ZNF385D: variants seen among roughly 807,000 people sequenced by gnomAD.
The protein encoded by ZNF385D is zinc finger protein 659.
In ZNF385D, 15 loss-of-function variants were observed where a neutral mutation model predicts 35.8. The observed-to-expected ratio is 0.42, with a 90% CI of 0.28 to 0.64. ZNF385D has a LOEUF of 0.64. Ranked by LOEUF, ZNF385D falls within the 30% of genes least tolerant of loss-of-function variation. The pLI is 0.23. For synonymous variants in ZNF385D, 212 were observed against 186.8 expected (o/e 1.13, Z -1.10); for missense variants, 474 against 494.6 (o/e 0.96, Z 0.39).
intron 2 of ZNF385D, among the ~76,000 whole-genome samples, chr3:22,316,077 A>AC (rs1214334814): frequency 6.6e-6 from 1 of 152,028 alleles, no homozygotes; most frequent in African/African-American, 2.4e-5. Context: ...CAACTCACTG[A>AC]CCCCACCCTG....
At chr3:21,490,443 T>C (rs1180506871) in intron 4 of ZNF385D, among the ~76,000 whole-genome samples, 1 of 152,180 alleles carries the variant, frequency 6.6e-6, no homozygotes, top group Admixed American at 6.6e-5. Flanking sequence ...ACAATGTGAC[T>C]GTCACTCTAT....
intron 2 of ZNF385D, among the ~76,000 whole-genome samples, chr3:22,179,479 AT>A (rs1285803773): frequency 1.3e-5 from 2 of 152,226 alleles, no homozygotes; most frequent in Non-Finnish European, 2.9e-5. Flanking sequence ...GCTTAAGGAG[AT>A]TTTGGGCTGA....
At chr3:22,081,698 T>C (rs1367985161) in intron 3 of ZNF385D, among the ~76,000 whole-genome samples, 1 of 152,136 alleles carries the variant, frequency 6.6e-6, no homozygotes, top group African/African-American at 2.4e-5. Flanking sequence ...TACAAACCTT[T>C]CCACGGCAGC....
At chr3:22,020,698 T>C (rs1198463198) in intron 3 of ZNF385D, among the ~76,000 whole-genome samples, 1 of 152,004 alleles carries the variant, frequency 6.6e-6, no homozygotes, top group Admixed American at 6.6e-5. Context: ...TAGTATAGCC[T>C]CTATGAAAAG....
intron 3 of ZNF385D, among the ~76,000 whole-genome samples, chr3:22,074,688 C>CA (rs1700382373): frequency 6.6e-6 from 1 of 151,896 alleles, no homozygotes; most frequent in South Asian, 2.1e-4. Context: ...AATGAGGGGT[C>CA]ATTTGATAAC....
At chr3:21,995,448 G>A (rs1695403742) in intron 3 of ZNF385D, among the ~76,000 whole-genome samples, 1 of 152,026 alleles carries the variant, frequency 6.6e-6, no homozygotes, top group Non-Finnish European at 1.5e-5. Context: ...GACATGCTTG[G>A]GCACTGGCAG....
intron 3 of ZNF385D, among the ~76,000 whole-genome samples, chr3:21,827,352 G>A (rs539735670): frequency 3.4e-4 from 51 of 151,948 alleles, no homozygotes; most frequent in South Asian, 2.5e-3. Context: ...ATATACACAC[G>A]CATATATATT....
At chr3:21,909,805 G>T (rs773525015) in intron 3 of ZNF385D, among the ~76,000 whole-genome samples, 1 of 152,018 alleles carries the variant, frequency 6.6e-6, no homozygotes, top group Admixed American at 6.6e-5. Flanking sequence ...AATGGAAAAT[G>T]AGACTATGCA....
intron 2 of ZNF385D, among the ~76,000 whole-genome samples, chr3:22,284,168 A>G (rs1268159480): frequency 6.8e-6 from 1 of 146,794 alleles, no homozygotes; most frequent in Non-Finnish European, 1.5e-5. Context: ...TTATCAATAA[A>G]CACAGGATTT....
chr3:22,139,364 C>A (rs1274581628), intron 3 of ZNF385D, among the ~76,000 whole-genome samples: 2 of 152,042 alleles, frequency 1.3e-5, no homozygotes, highest in African/African-American at 2.4e-5. Context: ...TGGAACCAAC[C>A]CAAATGTCCA....
chr3:22,290,978 A>G (rs1341772939), intron 2 of ZNF385D, among the ~76,000 whole-genome samples: 1 of 152,038 alleles, frequency 6.6e-6, no homozygotes, highest in Non-Finnish European at 1.5e-5. Context: ...GACTGCTCTG[A>G]TACTTCTTCT....
chr3:22,284,471 TGA>T (rs1701925541), intron 2 of ZNF385D, among the ~76,000 whole-genome samples: 1 of 152,058 alleles, frequency 6.6e-6, no homozygotes, highest in East Asian at 1.9e-4. Context: ...ATTACAGGCA[TGA>T]GCCACTGCAC....
intron 2 of ZNF385D, among the ~76,000 whole-genome samples, chr3:22,342,366 C>T (rs913442232): frequency 6.6e-6 from 1 of 151,536 alleles, no homozygotes; most frequent in Non-Finnish European, 1.5e-5. Context: ...AACCTCAGTC[C>T]TACCTTTAGT....
chr3:21,644,228 T>C (rs191746400), intron 2 of ZNF385D, among the ~76,000 whole-genome samples: 4 of 152,278 alleles, frequency 2.6e-5, no homozygotes, highest in Admixed American at 6.5e-5. Flanking sequence ...ACATTTCTGA[T>C]ATTCAACATT....
At chr3:21,965,394 T>C (rs944246905) in intron 3 of ZNF385D, among the ~76,000 whole-genome samples, 1 of 152,140 alleles carries the variant, frequency 6.6e-6, no homozygotes, top group Non-Finnish European at 1.5e-5. Context: ...GCAAGACAGA[T>C]ACATTTCCTA....
intron 2 of ZNF385D, among the ~76,000 whole-genome samples, chr3:22,210,458 A>G (rs1697447752): frequency 6.6e-6 from 1 of 151,890 alleles, no homozygotes. Flanking sequence ...ATATTTACTG[A>G]CCATCTAAAG....
At chr3:22,226,885 T>C (rs1325528057) in intron 2 of ZNF385D, among the ~76,000 whole-genome samples, 1 of 152,170 alleles carries the variant, frequency 6.6e-6, no homozygotes, top group Non-Finnish European at 1.5e-5. Flanking sequence ...GACCTTAATA[T>C]TCTCTCCATT....
At chr3:22,359,320 A>G (rs1448432368) in intron 2 of ZNF385D, among the ~76,000 whole-genome samples, 1 of 151,772 alleles carries the variant, frequency 6.6e-6, no homozygotes, top group Non-Finnish European at 1.5e-5. Context: ...ATCCAGTATC[A>G]CCTAAAAAAT....
intron 3 of ZNF385D, among the ~76,000 whole-genome samples, chr3:21,889,999 G>C (rs772620839): frequency 6.6e-6 from 1 of 152,012 alleles, no homozygotes; most frequent in Non-Finnish European, 1.5e-5. Context: ...AAAGACACTA[G>C]TCATATTAGA....
Sources: gnomAD v4.1 joint callset for allele counts (sites outside exome capture counted in the v4.1 genomes callset) on GRCh38, gnomAD v4.1.1 for gene constraint, MANE v1.5 for transcripts, NCBI Gene and HGNC (gene_info 2026-07-23, HGNC 2026-07-21) for gene names.